TRRAP: variants seen among roughly 807,000 people sequenced by gnomAD.
TRRAP encodes the protein transformation/transcription domain associated protein.
Under a neutral mutation model 438.8 loss-of-function variants are expected in TRRAP, and 41 were observed. That is an observed-to-expected ratio of 0.09 (90% CI 0.07 to 0.12). TRRAP has a LOEUF of 0.12. TRRAP is among the 10% of genes least tolerant of loss of function. The probability of loss-of-function intolerance (pLI) is 1.00; values close to 1 mark genes in which losing one functional copy is unlikely to be tolerated. For synonymous variants in TRRAP, 1,994 were observed against 1,962.9 expected (o/e 1.02, Z -0.42); for missense variants, 3,122 against 5,055.1 (o/e 0.62, Z 11.60).
intron 28 of TRRAP, among the ~76,000 whole-genome samples, chr7:98,936,503 T>A (rs1189204976): frequency 1.3e-5 from 2 of 152,200 alleles, no homozygotes; most frequent in Non-Finnish European, 2.9e-5. Context: ...CATAGAAGGT[T>A]GAGGTGTGTC....
At chr7:98,942,593 A>G (rs1554415917) in intron 30 of TRRAP, among the ~76,000 whole-genome samples, 2 of 152,198 alleles carry the variant, frequency 1.3e-5, no homozygotes, top group Non-Finnish European at 1.5e-5. Flanking sequence ...CATGACAGGG[A>G]TGATGTCGGC....
chr7:98,964,553 A>G (rs1050873156), intron 47 of TRRAP, 76 bp from the exon 48 acceptor site: 2 of 1,539,816 alleles, frequency 1.3e-6, no homozygotes, highest in Non-Finnish European at 1.8e-6. Flanking sequence ...CATTGTTTTG[A>G]ATAATGTGTT....
Position 98,981,852 on chromosome 7 carries a change from G to A in TRRAP, c.8718G>A (p.Gln2906=). 1 of 1,608,234 alleles carries A rather than the reference G, an allele frequency of 6.2e-7. No individual in the cohort carries two copies. Among genetic ancestry groups the A allele is most frequent in the Non-Finnish European group, 8.5e-7 (1 of 1,177,994 alleles). Residue 2906 remains glutamine, a synonymous_variant, in exon 59 of 73, where the codon CAG becomes CAA. Coordinates refer to ENST00000456197, the MANE Select transcript of TRRAP (RefSeq NM_001375524.1). ...TGGCCATCTGCCACCCCGAGGAGCAGCAGCTCAGCTTCATCGAGCGCCTGG... is the reference window on the plus strand; with the variant it reads ...TGGCCATCTGCCACCCCGAGGAGCAACAGCTCAGCTTCATCGAGCGCCTGG... ...GYLAICHPEE[Q]QLSFIERLVE...
At chr7:98,891,205 T>TATATATATATA (rs35255192) in intron 4 of TRRAP, among the ~76,000 whole-genome samples, 4 of 72,730 alleles carry the variant, frequency 5.5e-5, no homozygotes, top group Non-Finnish European at 1.1e-4. Context: ...ATATATATAT[T>TATATATATATA]TTTTTTTTTT....
At chr7:98,971,217 T>C (rs1367333090) in intron 52 of TRRAP, among the ~76,000 whole-genome samples, 1 of 152,266 alleles carries the variant, frequency 6.6e-6, no homozygotes, top group African/African-American at 2.4e-5. Flanking sequence ...CTTTTCTTTC[T>C]GTAATCTTCC....
At position 98,967,639 on chromosome 7, in the gene TRRAP, A is replaced by T; in HGVS notation, c.7453A>T (p.Thr2485Ser). Reference protein sequence around the residue: ...RRVYERLLYVTCSQNWEAMGN... With the variant: ...RRVYERLLYVSCSQNWEAMGN... ...TGTCTACGAGCGCTTGCTCTATGTG[A>T]CCTGTTCGCAGAACTGGGAAGCCAT... The change falls in exon 51 of 73, where the codon ACC (threonine) becomes TCC (serine). Residue 2485 changes from threonine to serine, a missense_variant. Coordinates refer to ENST00000456197, the MANE Select transcript of TRRAP (RefSeq NM_001375524.1). 1 of 1,613,962 alleles carries T rather than the reference A, an allele frequency of 6.2e-7. No individual in the cohort carries two copies. Among genetic ancestry groups the T allele is most frequent in the East Asian group, 2.2e-5 (1 of 44,848 alleles).
chr7:98,971,027 C>A (rs1439222071), intron 52 of TRRAP, among the ~76,000 whole-genome samples: 1 of 152,144 alleles, frequency 6.6e-6, no homozygotes, highest in Non-Finnish European at 1.5e-5. Context: ...CTGTGTGGAG[C>A]GTTGCGTCTT....
At chr7:98,982,257 C>T (rs187385817) in intron 59 of TRRAP, among the ~76,000 whole-genome samples, 1 of 152,234 alleles carries the variant, frequency 6.6e-6, no homozygotes, top group South Asian at 2.1e-4. Flanking sequence ...CAGAGTCCAT[C>T]GCTCTGTTTT....
chr7:98,888,761 T>A, intron 3 of TRRAP, among the ~76,000 whole-genome samples: 1 of 152,188 alleles, frequency 6.6e-6, no homozygotes, highest in Non-Finnish European at 1.5e-5. Flanking sequence ...TTGGTTACAT[T>A]TAGTAAATGA....
chr7:98,931,588 C>T lies in TRRAP; in HGVS notation c.3775C>T (p.Gln1259Ter). 1 of 1,614,246 alleles carries T rather than the reference C, an allele frequency of 6.2e-7. No individual in the cohort carries two copies. Among genetic ancestry groups the T allele is most frequent in the Non-Finnish European group, 8.5e-7 (1 of 1,180,052 alleles). The change falls in exon 26 of 73, where the codon CAG becomes TAG. Residue 1259 changes from glutamine to a stop codon, truncating the protein, a stop_gained. Coordinates refer to ENST00000456197, the MANE Select transcript of TRRAP (RefSeq NM_001375524.1). LOFTEE classifies it high-confidence loss of function. Reference sequence around the variant, plus strand: ...CTCTCCAAACTCCACTGTGAGGAAGCAGGCCATGCATTCGCTGCAGGTGTT... The same window carrying T: ...CTCTCCAAACTCCACTGTGAGGAAGTAGGCCATGCATTCGCTGCAGGTGTT... ...VTSPNSTVRK[Q>*]AMHSLQVLAQ...
rs146387541 is a variant in TRRAP at position 98,881,401 on chromosome 7, C to T, written c.100+151C>T. On this transcript the variant is annotated intron_variant, in intron 2 of 72. Transcript: ENST00000456197. ...TAGCCTGGCCAACATGGTGAAACCA[C>T]GTCTCTACTAAAATACAAAAATTAG... is the stretch of plus-strand genomic sequence containing the variant. 6.3e-4 allele frequency: 395 copies of T among 630,324 alleles called. 2 individuals carry two copies. Among genetic ancestry groups the T allele is most frequent in the African/African-American group, 6.0e-3 (318 of 52,632 alleles). The allele number at this position is 630,324 out of a possible 1,614,324, so 39.0% of individuals were successfully genotyped here.
chr7:98,894,783 G>GTTTTTTTTTTTTTTTTT (rs56407045), intron 6 of TRRAP, among the ~76,000 whole-genome samples: 15 of 87,418 alleles, frequency 1.7e-4, no homozygotes, highest in Non-Finnish European at 2.2e-4. Flanking sequence ...CCAGCTAATG[G>GTTTTTTTTTTTTTTTTT]TTTTTTTTTT....
At chr7:98,916,910 C>T (rs1356286417) in intron 19 of TRRAP, among the ~76,000 whole-genome samples, 1 of 152,124 alleles carries the variant, frequency 6.6e-6, no homozygotes, top group East Asian at 1.9e-4. Context: ...GCAGGACGTG[C>T]CTTTTCTTGG....
At chr7:98,890,654 T>G (rs1795923547) in intron 4 of TRRAP, among the ~76,000 whole-genome samples, 1 of 152,110 alleles carries the variant, frequency 6.6e-6, no homozygotes, top group South Asian at 2.1e-4. Context: ...ATTATTCACA[T>G]TTGCCAACTG....
intron 67 of TRRAP, among the ~76,000 whole-genome samples, chr7:98,997,270 C>T (rs1041353379): frequency 6.6e-6 from 1 of 151,762 alleles, no homozygotes; most frequent in Non-Finnish European, 1.5e-5. Context: ...CACGCCACTG[C>T]ACTCCAGCCT....
Position 98,953,192 on chromosome 7 carries a change from A to G in TRRAP, c.5489A>G (p.Asp1830Gly). The change falls in exon 40 of 73, where the codon GAC becomes GGC. Residue 1830 changes from aspartate to glycine, a missense_variant. Around this residue, in one of 24 missense-constraint regions of TRRAP, gnomAD observed 272 missense variants for 348.5 expected, o/e 0.78. Coordinates refer to ENST00000456197, the MANE Select transcript of TRRAP (RefSeq NM_001375524.1). ...TKVLDPEKQADMLDSLRIYLL... is the reference protein window; with the variant it reads ...TKVLDPEKQAGMLDSLRIYLL... Reference sequence around the variant, plus strand: ...GTCCTGGACCCCGAGAAGCAGGCGGACATGCTGGACTCGCTGCGGATCTAC... The same window carrying G: ...GTCCTGGACCCCGAGAAGCAGGCGGGCATGCTGGACTCGCTGCGGATCTAC... 1 of 1,612,812 alleles carries G rather than the reference A, an allele frequency of 6.2e-7. No homozygotes were observed. The highest frequency in any genetic ancestry group is 8.5e-7 in the Non-Finnish European group (1 of 1,179,898).
chr7:98,971,107 C>T (rs896013991), intron 52 of TRRAP, among the ~76,000 whole-genome samples: 3 of 152,172 alleles, frequency 2.0e-5, no homozygotes, highest in African/African-American at 7.2e-5. Context: ...GGTGCGTCCC[C>T]TCTTCCATGT....
intron 53 of TRRAP, chr7:98,975,847 CCTT>C (rs1276822502): frequency 7.2e-6 from 2 of 276,182 alleles, no homozygotes; most frequent in African/African-American, 2.2e-5. Flanking sequence ...GTGTTTTTGT[CCTT>C]CTTGGATATG....
At chr7:98,936,125 C>T (rs1466632494) in intron 28 of TRRAP, among the ~76,000 whole-genome samples, 28 of 152,212 alleles carry the variant, frequency 1.8e-4, no homozygotes, top group Admixed American at 1.8e-3. Context: ...GGAAAATAGA[C>T]TAGATCTGTA....
Sources: allele counts gnomAD v4.1 joint callset (sites outside exome capture counted in the v4.1 genomes callset), GRCh38; gene constraint gnomAD v4.1.1; regional missense constraint gnomAD v4.1.1; transcripts MANE v1.5; gene names NCBI Gene and HGNC (gene_info 2026-07-23, HGNC 2026-07-21).